Variants in SLC39A12 observed in about 807,000 individuals in gnomAD.
SLC39A12 encodes the protein zinc transporter ZIP12.
SLC39A12 carries 63 observed loss-of-function variants against 71.1 expected under a neutral mutation model. The ratio of observed to expected loss-of-function variants is 0.89; its 90% CI spans 0.72 to 1.09. The LOEUF (loss-of-function observed/expected upper bound fraction) is 1.09, where lower values mean the gene tolerates loss of function less well. Ranked by LOEUF, SLC39A12 falls within the 50% of genes least tolerant of loss-of-function variation. The pLI, the probability that SLC39A12 is intolerant of heterozygous loss-of-function variation, is 0.00. For missense variants in SLC39A12, 892 were observed against 812.6 expected (o/e 1.10, Z -1.19); for synonymous variants, 351 against 301.3 (o/e 1.16, Z -1.71).
At position 18,000,795 on chromosome 10, in the gene SLC39A12, A is replaced by C. The variant is rs1426091190; in HGVS notation, c.1729A>C (p.Ile577Leu). The part of the protein sequence containing the change: ...SESGVTTTIA[I>L]LCHEIPHEMG... Reference sequence around the variant, plus strand: ...GTCAGGAGTGACCACTACGATTGCTATCTTGTGTCATGAAATCCCACATGA... The same window carrying C: ...GTCAGGAGTGACCACTACGATTGCTCTCTTGTGTCATGAAATCCCACATGA... Residue 577 changes from isoleucine (I) to leucine (L), a missense_variant, in exon 11 of 13, where the codon ATC becomes CTC. Transcript: ENST00000377369. The C allele has an allele frequency of 6.2e-7, 1 of 1,613,996 alleles. No individual in the cohort carries two copies. The highest frequency in any genetic ancestry group is 8.5e-7 in the Non-Finnish European group (1 of 1,179,988).
intron 12 of SLC39A12, among the ~76,000 whole-genome samples, chr10:18,039,654 G>A (rs1226591750): frequency 6.6e-6 from 1 of 152,078 alleles, no homozygotes; most frequent in Non-Finnish European, 1.5e-5. Flanking sequence ...CTTGAGCCCA[G>A]GAGTTCACGG....
At chr10:17,982,504 C>A (rs151078720) in intron 6 of SLC39A12, among the ~76,000 whole-genome samples, 40 of 152,270 alleles carry the variant, frequency 2.6e-4, no homozygotes, top group African/African-American at 8.9e-4. Flanking sequence ...TTCAGCCACC[C>A]ACCTCTAACT....
At chr10:17,953,842 ATCTTT>A (rs1274215589) in intron 2 of SLC39A12, among the ~76,000 whole-genome samples, 3 of 152,150 alleles carry the variant, frequency 2.0e-5, no homozygotes, top group Non-Finnish European at 4.4e-5. Flanking sequence ...TGATTGACTA[ATCTTT>A]TCTTAAAGCC....
intron 12 of SLC39A12, among the ~76,000 whole-genome samples, chr10:18,034,028 A>G (rs1220223965): frequency 6.8e-6 from 1 of 147,202 alleles, no homozygotes; most frequent in East Asian, 2.0e-4. Flanking sequence ...GTTTGTTATA[A>G]TTTCTGTTCT....
chr10:18,030,626 T>TTATG (rs533068522), intron 12 of SLC39A12, among the ~76,000 whole-genome samples: 3,158 of 33,636 alleles, frequency 0.094, 50 homozygotes, highest in Non-Finnish European at 0.15. Flanking sequence ...ATTTATGTAT[T>TTATG]TATTTATTTA....
chr10:17,975,989 C>A (rs117840796), intron 4 of SLC39A12, among the ~76,000 whole-genome samples: 7 of 152,162 alleles, frequency 4.6e-5, no homozygotes, highest in African/African-American at 1.2e-4. Flanking sequence ...GCCATGCCCC[C>A]CTACTGTCAG....
intron 4 of SLC39A12, among the ~76,000 whole-genome samples, chr10:17,971,716 T>A (rs1834979551): frequency 2.0e-5 from 3 of 152,152 alleles, no homozygotes; most frequent in Non-Finnish European, 2.9e-5. Flanking sequence ...TTTATTTGGA[T>A]CTTTTTTCTT....
chr10:18,020,498 G>T (rs1836505378), intron 12 of SLC39A12, among the ~76,000 whole-genome samples: 1 of 152,076 alleles, frequency 6.6e-6, no homozygotes, highest in East Asian at 1.9e-4. Context: ...TAATGGGATT[G>T]CTGGGTTGAA....
chr10:17,983,452 C>G (rs558491426), intron 6 of SLC39A12, among the ~76,000 whole-genome samples: 246 of 152,090 alleles, frequency 1.6e-3, no homozygotes, highest in Non-Finnish European at 2.9e-3. Flanking sequence ...AATGCCATTG[C>G]ACTCCAGTTG....
At chr10:18,041,350 G>A (rs1837218936) in intron 12 of SLC39A12, among the ~76,000 whole-genome samples, 1 of 151,632 alleles carries the variant, frequency 6.6e-6, no homozygotes, top group South Asian at 2.1e-4. Flanking sequence ...ACAAAAATTA[G>A]CCGAGTGTGG....
intron 2 of SLC39A12, among the ~76,000 whole-genome samples, chr10:17,954,607 A>G (rs1293057411): frequency 2.6e-5 from 4 of 151,710 alleles, no homozygotes; most frequent in Admixed American, 2.0e-4. Flanking sequence ...TTCATTAGGG[A>G]GGGTGGGGTA....
At chr10:17,982,636 G>A (rs1323132205) in intron 6 of SLC39A12, among the ~76,000 whole-genome samples, 1 of 152,150 alleles carries the variant, frequency 6.6e-6, no homozygotes, top group Non-Finnish European at 1.5e-5. Context: ...TTAATAGTGA[G>A]CAGCCAAATA....
chr10:17,952,739 A>G (rs1181256507), intron 1 of SLC39A12, among the ~76,000 whole-genome samples: 1 of 152,098 alleles, frequency 6.6e-6, no homozygotes, highest in African/African-American at 2.4e-5. Context: ...TGCCTGCTTC[A>G]GCCTCCCAAA....
At chr10:17,961,362 T>G (rs1234477114) in intron 2 of SLC39A12, among the ~76,000 whole-genome samples, 1 of 152,196 alleles carries the variant, frequency 6.6e-6, no homozygotes, top group Non-Finnish European at 1.5e-5. Flanking sequence ...GCCGATCTAG[T>G]TGGAGACAGG....
chr10:18,040,691 C>T (rs1437524782), intron 12 of SLC39A12, among the ~76,000 whole-genome samples: 2 of 150,796 alleles, frequency 1.3e-5, no homozygotes, highest in African/African-American at 4.9e-5. Context: ...ATCGCCATAA[C>T]CCAGGAGGCA....
intron 9 of SLC39A12, among the ~76,000 whole-genome samples, chr10:17,994,412 G>A (rs549444528): frequency 2.4e-4 from 31 of 129,674 alleles, no homozygotes; most frequent in South Asian, 5.2e-4. Context: ...CAAGAAACTC[G>A]AGGATAAAGA....
At chr10:17,955,401 C>T (rs574679975) in intron 2 of SLC39A12, among the ~76,000 whole-genome samples, 2 of 152,262 alleles carry the variant, frequency 1.3e-5, no homozygotes, top group South Asian at 4.1e-4. Context: ...CAGTTCACCC[C>T]AATCACCCAT....
At chr10:18,025,490 T>A (rs895632141) in intron 12 of SLC39A12, among the ~76,000 whole-genome samples, 1 of 152,170 alleles carries the variant, frequency 6.6e-6, no homozygotes, top group African/African-American at 2.4e-5. Context: ...GGTGTTTGGT[T>A]TTTTGTCCTT....
rs767432218 is a variant in SLC39A12, at chr10:17,991,235, A to C, written c.1354A>C (p.Ile452Leu). Reference sequence around the variant, plus strand: ...TCATATTTGGAAACTGATGGGATTAATTGGAGGCATCCATGGATTTTTCTT... The same window carrying C: ...TCATATTTGGAAACTGATGGGATTACTTGGAGGCATCCATGGATTTTTCTT... ...KGHIWKLMGL[I>L]GGIHGFFLIE... The change falls in exon 8 of 13, where the codon ATT becomes CTT. Residue 452 changes from isoleucine (I) to leucine (L), a missense_variant. Coordinates refer to ENST00000377369, the MANE Select transcript of SLC39A12 (RefSeq NM_001145195.2). 1.3e-6 allele frequency: 2 copies of C among 1,599,816 alleles called. No individual in the cohort carries two copies. The highest frequency in any genetic ancestry group is 1.7e-5 in the Admixed American group (1 of 57,640).
Sources: gnomAD v4.1 joint callset for allele counts (sites outside exome capture counted in the v4.1 genomes callset) on GRCh38, gnomAD v4.1.1 for gene constraint, MANE v1.5 for transcripts, NCBI Gene and HGNC (gene_info 2026-07-23, HGNC 2026-07-21) for gene names.